Variants in SLC30A7 observed in about 807,000 individuals in gnomAD.
SLC30A7 encodes the protein solute carrier family 30 member 7, also known as zinc transporter 7.
A neutral mutation model predicts 46.0 loss-of-function variants in SLC30A7; 35 were observed. The observed-to-expected ratio is 0.76, with a 90% confidence interval of 0.58 to 1.01. The LOEUF is 1.01. Ranked by LOEUF, SLC30A7 falls within the 50% of genes least tolerant of loss-of-function variation. SLC30A7 has a pLI of 0.00. For missense variants in SLC30A7, 464 were observed against 451.1 expected (o/e 1.03, Z -0.26); for synonymous variants, 147 against 157.8 (o/e 0.93, Z 0.51).
chr1:100,959,825 A>C (rs1462642519), intron 8 of SLC30A7, among the ~76,000 whole-genome samples: 1 of 152,188 alleles, frequency 6.6e-6, no homozygotes, highest in Admixed American at 6.5e-5. Context: ...GGTCATTGGG[A>C]GCCATCACTG....
At chr1:100,958,210 T>C (rs1402402241) in intron 8 of SLC30A7, among the ~76,000 whole-genome samples, 2 of 152,046 alleles carry the variant, frequency 1.3e-5, no homozygotes, top group Non-Finnish European at 2.9e-5. Context: ...GGAGTCTCGC[T>C]CTGTCACCCA....
At chr1:100,965,652 T>G (rs79305516) in intron 9 of SLC30A7, 117 bp from the exon 10 acceptor site, 1 of 816,120 alleles carries the variant, frequency 1.2e-6, no homozygotes, top group African/African-American at 1.7e-5. Context: ...ACATCCTCCT[T>G]TCCTTTTTTT....
the SLC30A7 span, chr1:100,990,590 C>T: frequency 6.2e-7 from 1 of 1,614,068 alleles, no homozygotes; most frequent in Non-Finnish European, 8.5e-7. Context: ...TCGTCGGCTC[C>T]AACCCTGGCT....
At chr1:100,954,946 C>A (rs6577222) in intron 8 of SLC30A7, among the ~76,000 whole-genome samples, 1 of 151,564 alleles carries the variant, frequency 6.6e-6, no homozygotes, top group African/African-American at 2.4e-5. Context: ...ATTTTTAAAA[C>A]TATAATTTTC....
At chr1:100,922,147 A>G (rs1418861916) in intron 8 of SLC30A7, among the ~76,000 whole-genome samples, 1 of 151,662 alleles carries the variant, frequency 6.6e-6, no homozygotes, top group Non-Finnish European at 1.5e-5. Flanking sequence ...TGTATTTTTA[A>G]TAGAGATGGG....
At chr1:100,990,647 G>A in the SLC30A7 span, 21 of 1,594,344 alleles carry the variant, frequency 1.3e-5, no homozygotes. Flanking sequence ...AAAAAAAAAA[G>A]ATACTGCTAT....
At chr1:100,919,074 T>C (rs913091992) in intron 7 of SLC30A7, among the ~76,000 whole-genome samples, 1 of 152,212 alleles carries the variant, frequency 6.6e-6, no homozygotes, top group African/African-American at 2.4e-5. Context: ...TTTTATGTTG[T>C]GGGAAAATTT....
chr1:100,973,235 G>A (rs12730160), intron 10 of SLC30A7, among the ~76,000 whole-genome samples: 41,971 of 151,868 alleles, frequency 0.28, 6,042 homozygotes, highest in African/African-American at 0.35. Flanking sequence ...GCCAAGCTAG[G>A]AAACAGTGCT....
chr1:100,974,785 A>C (rs201143194), intron 10 of SLC30A7, 25 bp from the exon 11 acceptor site: 12 of 1,565,402 alleles, frequency 7.7e-6, no homozygotes, highest in Non-Finnish European at 1.0e-5. Flanking sequence ...TAGATTTTCT[A>C]ACTTTTTTTT....
In SLC30A7 at chr1:100,961,988, A is replaced by C. The variant is rs145862870; in HGVS notation, c.933+70A>C. On this transcript the variant is annotated intron_variant, in intron 9 of 10. Transcript: ENST00000357650. ...AATCTCTTGATTTTCAGCTTTCACA[A>C]ATATGGGTAACATGTGTGTATAATT... 2.8e-4 allele frequency: 255 copies of C among 909,324 alleles called. 2 individuals are homozygous for C. In the African/African-American group the frequency reaches 4.0e-3, roughly 14 times the overall value. 56.3% of individuals were successfully genotyped at this position (909,324 alleles called of 1,614,324 possible).
intron 8 of SLC30A7, among the ~76,000 whole-genome samples, chr1:100,936,961 C>G (rs1326775169): frequency 6.6e-6 from 1 of 152,110 alleles, no homozygotes; most frequent in Non-Finnish European, 1.5e-5. Flanking sequence ...GATTCCACTT[C>G]TGAATATTTA....
At chr1:100,964,445 TA>T (rs777666851) in intron 9 of SLC30A7, among the ~76,000 whole-genome samples, 2 of 149,992 alleles carry the variant, frequency 1.3e-5, no homozygotes, top group South Asian at 4.2e-4. Flanking sequence ...TTCTTCACAA[TA>T]AACTACAGGG....
In SLC30A7 at chr1:100,974,953, A is replaced by G. The variant is rs1656380622; in HGVS notation, c.*96A>G. Reference sequence around the variant, plus strand: ...CCCAGCTTTTTAAAAGAGAGAAATTATCACTACAACTCCCGAGCACTAAGT... The same window carrying G: ...CCCAGCTTTTTAAAAGAGAGAAATTGTCACTACAACTCCCGAGCACTAAGT... On this transcript the variant is annotated 3_prime_UTR_variant, in exon 11 of 11. Transcript: ENST00000357650. The G allele has an allele frequency of 1.9e-5, 20 of 1,040,628 alleles. No individual in the cohort carries two copies. The South Asian group carries it at 2.9e-4, about 15-fold the overall frequency. The allele number at this position is 1,040,628 out of a possible 1,614,324, so 64.5% of individuals were successfully genotyped here. A position where few individuals can be genotyped will look rare whatever the true frequency, so the allele number is the denominator to read the frequency against.
At chr1:100,974,147 G>T (rs1656322275) in intron 10 of SLC30A7, among the ~76,000 whole-genome samples, 1 of 152,138 alleles carries the variant, frequency 6.6e-6, no homozygotes, top group Non-Finnish European at 1.5e-5. Flanking sequence ...TTGTTACTAG[G>T]ATATATTGCG....
chr1:100,933,360 TC>T (rs1304123916), intron 8 of SLC30A7, among the ~76,000 whole-genome samples: 2 of 152,154 alleles, frequency 1.3e-5, no homozygotes, highest in African/African-American at 4.8e-5. Context: ...CTCATAGTAT[TC>T]TTATCTTGAT....
intron 1 of SLC30A7, 39 bp from the exon 2 acceptor site, chr1:100,896,531 T>A: frequency 6.3e-7 from 1 of 1,590,768 alleles, no homozygotes; most frequent in Non-Finnish European, 8.6e-7. Context: ...CGGCACCTCC[T>A]TAACTCTCCC....
intron 8 of SLC30A7, among the ~76,000 whole-genome samples, chr1:100,958,831 G>A (rs1655384687): frequency 1.3e-5 from 2 of 152,298 alleles, no homozygotes; most frequent in East Asian, 1.9e-4. Context: ...GTTAGAGGGA[G>A]GGGGAAACAC....
rs78664684 is a variant in SLC30A7, at chr1:100,962,004, G to A, written c.933+86G>A. Reference sequence around the variant, plus strand: ...GCTTTCACAAATATGGGTAACATGTGTGTATAATTGACTGTTTCTTCCAAG... The same window carrying A: ...GCTTTCACAAATATGGGTAACATGTATGTATAATTGACTGTTTCTTCCAAG... On this transcript the variant is annotated intron_variant, in intron 9 of 10. Transcript: ENST00000357650. 2,740 of 689,242 alleles carry A rather than the reference G, an allele frequency of 4.0e-3. 53 individuals are homozygous for A. In the African/African-American group the frequency reaches 0.045, roughly 11 times the overall value. The allele number at this position is 689,242 out of a possible 1,614,324, so 42.7% of individuals were successfully genotyped here.
intron 2 of SLC30A7, among the ~76,000 whole-genome samples, chr1:100,903,589 G>T (rs573918088): frequency 6.6e-6 from 1 of 152,194 alleles, no homozygotes; most frequent in South Asian, 2.1e-4. Context: ...GATGTCAGAT[G>T]AGATGGTTAA....
Sources: allele counts gnomAD v4.1 joint callset (sites outside exome capture counted in the v4.1 genomes callset), GRCh38; gene constraint gnomAD v4.1.1; transcripts MANE v1.5; gene names NCBI Gene and HGNC (gene_info 2026-07-23, HGNC 2026-07-21).